VPS13A: variants seen among roughly 807,000 people sequenced by gnomAD.
VPS13A encodes intermembrane lipid transfer protein VPS13A.
A neutral mutation model predicts 390.9 loss-of-function variants in VPS13A; 264 were observed. The ratio of observed to expected loss-of-function variants is 0.68; its 90% confidence interval spans 0.61 to 0.75. VPS13A has a LOEUF of 0.75. Ranked by LOEUF, VPS13A falls within the 30% of genes least tolerant of loss-of-function variation. VPS13A has a pLI of 0.00. For synonymous variants in VPS13A, 1,231 were observed against 1,227.1 expected, an observed-to-expected ratio of 1.00 and a Z score of -0.07; for missense variants, 3,409 against 3,733.9, an observed-to-expected ratio of 0.91 and a Z score of 2.27.
chr9:77,263,599 T>C (rs1825875604), intron 23 of VPS13A, among the ~76,000 whole-genome samples: 1 of 152,204 alleles, frequency 6.6e-6, no homozygotes, highest in Non-Finnish European at 1.5e-5. Context: ...GTTGTTGGTT[T>C]CTTACTTGTA....
chr9:77,395,703 A>G (rs1834094717), intron 68 of VPS13A: 1 of 152,222 alleles, frequency 6.6e-6, no homozygotes. Flanking sequence ...TATTTTTATT[A>G]TTCCAGATGA....
chr9:77,362,106 G>A (rs1230131213), intron 59 of VPS13A, among the ~76,000 whole-genome samples: 1 of 151,974 alleles, frequency 6.6e-6, no homozygotes, highest in Admixed American at 6.6e-5. Flanking sequence ...CTCTCATTCT[G>A]TGTGTTGCTT....
At chr9:77,199,430 A>G (rs1274880378) in intron 1 of VPS13A, among the ~76,000 whole-genome samples, 2 of 152,100 alleles carry the variant, frequency 1.3e-5, no homozygotes, top group African/African-American at 2.4e-5. Flanking sequence ...ACTTTCATTA[A>G]TCCCATTACC....
intron 20 of VPS13A, among the ~76,000 whole-genome samples, chr9:77,248,221 CTTT>C (rs573817659): frequency 7.0e-6 from 1 of 143,142 alleles, no homozygotes. Flanking sequence ...TTTTTTCTTT[CTTT>C]TTTTTTTTTG....
intron 57 of VPS13A, 36 bp from the exon 58 acceptor site, chr9:77,359,297 G>C (rs1425871234): frequency 6.3e-7 from 1 of 1,579,382 alleles, no homozygotes; most frequent in Non-Finnish European, 8.7e-7. Flanking sequence ...TTTGCTTAAA[G>C]CATCATGGGA....
intron 1 of VPS13A, among the ~76,000 whole-genome samples, chr9:77,196,841 C>G (rs564411335): frequency 6.6e-6 from 1 of 152,052 alleles, no homozygotes; most frequent in Non-Finnish European, 1.5e-5. Flanking sequence ...GATTTCATTT[C>G]TTTGGGATAT....
chr9:77,309,314 A>T (rs903001100), intron 35 of VPS13A, among the ~76,000 whole-genome samples: 19 of 152,204 alleles, frequency 1.2e-4, no homozygotes, highest in African/African-American at 4.6e-4. Context: ...AAATGTGATA[A>T]AACTTAAGAG....
intron 71 of VPS13A, among the ~76,000 whole-genome samples, chr9:77,412,191 C>G (rs1298396672): frequency 6.6e-6 from 1 of 152,194 alleles, no homozygotes; most frequent in Non-Finnish European, 1.5e-5. Flanking sequence ...ACCATTCCTT[C>G]TGAAACTATT....
chr9:77,340,618 A>G, intron 50 of VPS13A, 68 bp downstream of exon 50: 1 of 1,581,424 alleles, frequency 6.3e-7, no homozygotes, highest in South Asian at 1.1e-5. Flanking sequence ...AGATACCTAA[A>G]GTCACCATGT....
At chr9:77,386,436 A>C (rs1463051848) in intron 68 of VPS13A, among the ~76,000 whole-genome samples, 1 of 152,092 alleles carries the variant, frequency 6.6e-6, no homozygotes, top group Non-Finnish European at 1.5e-5. Context: ...TGTGACACTT[A>C]ATTTCATGGA....
chr9:77,252,269 A>G lies in VPS13A; in HGVS notation c.2205A>G (p.Val735=). 6.2e-7 allele frequency: 1 copy of G among 1,614,056 alleles called. No homozygotes were observed. Among genetic ancestry groups the G allele is most frequent in the Non-Finnish European group, 8.5e-7 (1 of 1,179,926 alleles). The change falls in exon 22 of 72, where the codon GTA becomes GTG. Residue 735 remains valine (V), a synonymous_variant. Transcript: ENST00000360280. ...DNWREARKLS[V]STQHILVPMH... is the part of the protein sequence containing the mutation. ...GGAGAGAAGCACGAAAACTCAGTGTATCTACCCAGCATATTTTGGTACCCA... is the reference window on the plus strand; with the variant it reads ...GGAGAGAAGCACGAAAACTCAGTGTGTCTACCCAGCATATTTTGGTACCCA...
chr9:77,380,825 G>C (rs1175866041), intron 67 of VPS13A, among the ~76,000 whole-genome samples: 1 of 152,132 alleles, frequency 6.6e-6, no homozygotes. Flanking sequence ...GTGCTACCTA[G>C]ATCCCTTGCA....
rs769872537 is a variant in VPS13A, at chr9:77,371,094, A to C, written c.9022A>C (p.Arg3008=). 6.2e-7 allele frequency: 1 copy of C among 1,614,134 alleles called. No individual in the cohort carries two copies. Among genetic ancestry groups the C allele is most frequent in the Non-Finnish European group, 8.5e-7 (1 of 1,179,996 alleles). The change falls in exon 67 of 72, where the codon AGG becomes CGG. Residue 3008 remains arginine (R), a synonymous_variant. Transcript: ENST00000360280. ...GAAAGGTTTAGTAGGAGCGGTAGCA[A>C]GGCCAACTGGAGGCATCATAGACAT... ...VGKGLVGAVA[R]PTGGIIDMAS...
At chr9:77,264,370 A>G (rs56279229) in intron 23 of VPS13A, among the ~76,000 whole-genome samples, 31,997 of 152,082 alleles carry the variant, frequency 0.21, 3,590 homozygotes, top group Middle Eastern at 0.26. Context: ...CCTTGAATCT[A>G]TAAATTACCT....
intron 59 of VPS13A, among the ~76,000 whole-genome samples, chr9:77,364,650 G>A (rs942188027): frequency 1.3e-5 from 2 of 152,150 alleles, no homozygotes; most frequent in Non-Finnish European, 2.9e-5. Flanking sequence ...CATTAGTCTG[G>A]GAGAGGGGAC....
intron 23 of VPS13A, 126 bp downstream of exon 23, chr9:77,260,350 A>AT: frequency 4.4e-5 from 31 of 712,234 alleles, no homozygotes; most frequent in East Asian, 7.7e-5. Flanking sequence ...TAAGAAAATT[A>AT]CTTTTTTTTT....
chr9:77,350,197 A>G (rs1402731220), intron 52 of VPS13A, among the ~76,000 whole-genome samples: 1 of 152,014 alleles, frequency 6.6e-6, no homozygotes, highest in Non-Finnish European at 1.5e-5. Flanking sequence ...CTTTTCTTCA[A>G]CCTCTTTCCA....
intron 68 of VPS13A, among the ~76,000 whole-genome samples, chr9:77,383,580 T>A (rs910114832): frequency 6.6e-6 from 1 of 152,056 alleles, no homozygotes; most frequent in Non-Finnish European, 1.5e-5. Flanking sequence ...TATATCCTCA[T>A]TATAAGTGAG....
At chr9:77,198,035 A>G (rs1382089635) in intron 1 of VPS13A, among the ~76,000 whole-genome samples, 1 of 152,226 alleles carries the variant, frequency 6.6e-6, no homozygotes, top group Non-Finnish European at 1.5e-5. Flanking sequence ...CACTGGGAAT[A>G]TATGTATCCA....
Sources: gnomAD v4.1 joint callset for allele counts (sites outside exome capture counted in the v4.1 genomes callset) on GRCh38, gnomAD v4.1.1 for gene constraint, MANE v1.5 for transcripts, NCBI Gene and HGNC (gene_info 2026-07-23, HGNC 2026-07-21) for gene names.